PRR5L: variants seen among roughly 807,000 people sequenced by gnomAD.
PRR5L encodes proline rich 5 like.
A neutral mutation model predicts 36.4 loss-of-function variants in PRR5L; 21 were observed. The observed-to-expected ratio is 0.58, with a 90% confidence interval of 0.41 to 0.83. The LOEUF is 0.83. Ranked by LOEUF, PRR5L falls within the 40% of genes least tolerant of loss-of-function variation. The pLI is 0.00. For synonymous variants in PRR5L, 188 were observed against 197.0 expected (o/e 0.95, Z 0.38); for missense variants, 381 against 473.3 (o/e 0.80, Z 1.81).
At chr11:36,303,229 T>G (rs1335550754) in intron 1 of PRR5L, among the ~76,000 whole-genome samples, 1 of 152,118 alleles carries the variant, frequency 6.6e-6, no homozygotes, top group African/African-American at 2.4e-5. Flanking sequence ...TGGAGAGAAA[T>G]AGATGTAATA....
chr11:36,360,075 C>CCACACACA (rs34673599), intron 1 of PRR5L, among the ~76,000 whole-genome samples: 1 of 148,122 alleles, frequency 6.8e-6, no homozygotes, highest in African/African-American at 2.5e-5. Context: ...ACACACACAC[C>CCACACACA]CACACACACA....
At chr11:36,360,752 A>T (rs1418855452) in intron 1 of PRR5L, among the ~76,000 whole-genome samples, 1 of 152,198 alleles carries the variant, frequency 6.6e-6, no homozygotes, top group Non-Finnish European at 1.5e-5. Flanking sequence ...TGTTAGGTAT[A>T]TGTTATTACT....
intron 4 of PRR5L, among the ~76,000 whole-genome samples, chr11:36,428,415 G>C (rs1454048149): frequency 2.6e-5 from 4 of 152,278 alleles, no homozygotes; most frequent in Admixed American, 2.6e-4. Flanking sequence ...GACCCTTTGG[G>C]GCTCCAATTC....
At chr11:36,328,826 G>A (rs994770482) in intron 1 of PRR5L, among the ~76,000 whole-genome samples, 2 of 152,150 alleles carry the variant, frequency 1.3e-5, no homozygotes, top group African/African-American at 4.8e-5. Flanking sequence ...CTTTATAGTG[G>A]TATATTCTGG....
rs188535757 is a variant in PRR5L, at chr11:36,399,708, G to A, written c.-125-1289G>A. ...CAAGTAAAAAGTGACTATGAGATTC[G>A]TGGTGTTTCCTTTTGTCCTTCACTC... On this transcript the variant is annotated intron_variant, in intron 1 of 8. Coordinates refer to ENST00000530639, the MANE Select transcript of PRR5L (RefSeq NM_001160167.2). 9.2e-5 allele frequency among the ~76,000 whole-genome samples: 14 copies of A among 152,310 alleles called. No individual in the cohort carries two copies. In the East Asian group the frequency reaches 2.3e-3, roughly 25 times the overall value.
intron 1 of PRR5L, among the ~76,000 whole-genome samples, chr11:36,395,798 T>C (rs1857646770): frequency 2.0e-5 from 3 of 152,298 alleles, no homozygotes; most frequent in Admixed American, 2.0e-4. Context: ...CACAGCTCAC[T>C]GTAACCTTGA....
intron 1 of PRR5L, among the ~76,000 whole-genome samples, chr11:36,319,934 G>A (rs571484274): frequency 6.6e-6 from 1 of 152,264 alleles, no homozygotes; most frequent in South Asian, 2.1e-4. Flanking sequence ...TCTCAAGGCT[G>A]CACGCAGGAG....
chr11:36,454,257 C>T (rs1360899702), intron 8 of PRR5L, among the ~76,000 whole-genome samples: 1 of 152,024 alleles, frequency 6.6e-6, no homozygotes, highest in Non-Finnish European at 1.5e-5. Context: ...TTCCTTAGCC[C>T]AAGAGGGATC....
chr11:36,409,349 T>C (rs1044341252), intron 3 of PRR5L, among the ~76,000 whole-genome samples: 3 of 152,094 alleles, frequency 2.0e-5, no homozygotes, highest in Non-Finnish European at 4.4e-5. Flanking sequence ...GAAACGCACA[T>C]TTTCCTTCTC....
At chr11:36,432,028 C>T (rs969140966) in intron 5 of PRR5L, 118 bp downstream of exon 5, 15 of 774,590 alleles carry the variant, frequency 1.9e-5, no homozygotes, top group South Asian at 3.4e-5. Flanking sequence ...TCACCCTGTC[C>T]GTTTCCTCCC....
At chr11:36,327,061 G>A (rs1178233785) in intron 1 of PRR5L, among the ~76,000 whole-genome samples, 1 of 152,202 alleles carries the variant, frequency 6.6e-6, no homozygotes, top group Non-Finnish European at 1.5e-5. Flanking sequence ...TTGTATACAG[G>A]TAGCTATTAA....
chr11:36,376,104 A>AT, intron 1 of PRR5L: 3 of 1,238,280 alleles, frequency 2.4e-6, no homozygotes, highest in Non-Finnish European at 3.2e-6. Flanking sequence ...CCTCCTCGGC[A>AT]ATTTTTTTTT....
At chr11:36,356,338 A>G (rs1857027487) in intron 1 of PRR5L, among the ~76,000 whole-genome samples, 1 of 152,184 alleles carries the variant, frequency 6.6e-6, no homozygotes. Context: ...TTTAGCAACA[A>G]GCAGATCATT....
At chr11:36,330,065 A>G (rs1246324113) in intron 1 of PRR5L, among the ~76,000 whole-genome samples, 2 of 152,208 alleles carry the variant, frequency 1.3e-5, no homozygotes, top group East Asian at 1.9e-4. Flanking sequence ...TTCTTGTTTC[A>G]AGGGGAAGAG....
Position 36,446,438 on chromosome 11 carries a change from C to T in PRR5L, c.583C>T (p.Gln195Ter), listed in dbSNP as rs1415303003. The T allele has an allele frequency of 6.2e-7, 1 of 1,613,906 alleles. No homozygotes were observed. Among genetic ancestry groups the T allele is most frequent in the Non-Finnish European group, 8.5e-7 (1 of 1,179,990 alleles). Residue 195 changes from glutamine to a stop codon, truncating the protein, a stop_gained and splice_region_variant, in exon 7 of 9, where the codon CAG (glutamine) becomes TAG (stop). Coordinates refer to ENST00000530639, the MANE Select transcript of PRR5L (RefSeq NM_001160167.2). LOFTEE classifies it high-confidence loss of function. ...CATTGTCCAGATGTTGCTCATCCTG[C>T]AGGTGAGGCTGTGCTGGAGACTTGC... ...SSIVQMLLIL[Q>*]SVHEPTGPSE...
At chr11:36,461,030 C>T (rs909315517) in intron 8 of PRR5L, among the ~76,000 whole-genome samples, 5 of 152,320 alleles carry the variant, frequency 3.3e-5, no homozygotes, top group African/African-American at 4.8e-5. Context: ...CCCTTGAAGC[C>T]CCTCCACTTG....
intron 1 of PRR5L, among the ~76,000 whole-genome samples, chr11:36,312,153 G>A (rs906677954): frequency 1.9e-4 from 29 of 152,252 alleles, no homozygotes; most frequent in Middle Eastern, 3.4e-3. Flanking sequence ...ACTGAATACC[G>A]TTTTTTGAGA....
chr11:36,339,565 T>C (rs1366985159), intron 1 of PRR5L, among the ~76,000 whole-genome samples: 1 of 152,262 alleles, frequency 6.6e-6, no homozygotes, highest in Non-Finnish European at 1.5e-5. Context: ...TCATTTCATT[T>C]CTTTCTTTTG....
At chr11:36,388,111 A>G in intron 1 of PRR5L, 1 of 152,244 alleles carries the variant, frequency 6.6e-6, no homozygotes, top group East Asian at 1.9e-4. Context: ...CTTTCGGCCC[A>G]TTTATGATGC....
Sources: gnomAD v4.1 joint callset for allele counts (sites outside exome capture counted in the v4.1 genomes callset) on GRCh38, gnomAD v4.1.1 for gene constraint, MANE v1.5 for transcripts, NCBI Gene and HGNC (gene_info 2026-07-23, HGNC 2026-07-21) for gene names.